The following TNIP2 variants were observed in gnomAD, a reference collection of about 807,000 sequenced individuals.
The protein encoded by TNIP2 is TNFAIP3 interacting protein 2, also known as TNFAIP3-interacting protein 2.
In TNIP2, 30 loss-of-function variants were observed where a neutral mutation model predicts 43.7. That is an observed-to-expected ratio of 0.69 (90% CI 0.51 to 0.93). TNIP2 has a LOEUF of 0.93. Among genes scored for constraint, TNIP2 ranks in the 40% least tolerant of loss-of-function variants. The pLI, the probability that TNIP2 is intolerant of heterozygous loss-of-function variation, is 0.00. For missense variants in TNIP2, 599 were observed against 591.0 expected, an observed-to-expected ratio of 1.01 and a Z score of -0.14; for synonymous variants, 260 against 254.6, an observed-to-expected ratio of 1.02 and a Z score of -0.20.
chr4:2,744,804 G>C lies in TNIP2; in HGVS notation c.799C>G (p.Gln267Glu). 6 of 1,613,462 alleles carry C rather than the reference G, an allele frequency of 3.7e-6. No homozygotes were observed. Among genetic ancestry groups the C allele is most frequent in the Non-Finnish European group, 5.1e-6 (6 of 1,180,052 alleles). ...MRKEISRLNR[Q>E]LEEKINDCAE... ...CAGTCATTTATTTTCTCTTCCAACT[G>C]TCTGTTGAGCCGGGAGATCTCCTTC... The change falls in exon 4 of 6, where the codon CAG becomes GAG. Residue 267 changes from glutamine (Q) to glutamate (E), a missense_variant. Gln to Glu is a conservative substitution (Grantham distance 29). Coordinates refer to ENST00000315423, the MANE Select transcript of TNIP2 (RefSeq NM_024309.4). The surrounding 1 kb of genome is among the most constrained non-coding windows in gnomAD (Gnocchi z 5.1).
chr4:2,756,222 A>T lies in TNIP2; in HGVS notation c.68T>A (p.Leu23Gln). 6.8e-7 allele frequency: 1 copy of T among 1,470,590 alleles called. No individual in the cohort carries two copies. The highest frequency in any genetic ancestry group is 8.9e-7 in the Non-Finnish European group (1 of 1,119,040). The allele number at this position is 1,470,590 out of a possible 1,614,324, so 91.1% of individuals were successfully genotyped here. The change falls in exon 1 of 6, where the codon CTG (leucine) becomes CAG (glutamine). Residue 23 changes from leucine to glutamine, a missense_variant. Leu to Gln is a moderately radical substitution (Grantham distance 113). Coordinates refer to ENST00000315423, the MANE Select transcript of TNIP2 (RefSeq NM_024309.4). Reference protein sequence around the residue: ...APRAAAALCTLYHEAGQRLRR... With the variant: ...APRAAAALCTQYHEAGQRLRR... ...CAGCCGCTGTCCGGCCTCGTGGTACAGGGTGCAGAGCGCGGCAGCTGCGCG... is the reference window on the plus strand; with the variant it reads ...CAGCCGCTGTCCGGCCTCGTGGTACTGGGTGCAGAGCGCGGCAGCTGCGCG...
intron 1 of TNIP2, among the ~76,000 whole-genome samples, chr4:2,752,113 A>C (rs1303388399): frequency 6.6e-6 from 1 of 151,936 alleles, no homozygotes; most frequent in African/African-American, 2.4e-5. Flanking sequence ...AAAAAAAAAA[A>C]AAAAGGAACA....
intron 1 of TNIP2, among the ~76,000 whole-genome samples, chr4:2,751,470 A>C (rs567569533): frequency 3.9e-5 from 6 of 152,308 alleles, no homozygotes; most frequent in Admixed American, 1.3e-4. Context: ...AAGTATCACA[A>C]ACTTGGTGTC....
rs191124040 is a variant in TNIP2 at position 2,744,289 on chromosome 4, A to G, written c.1026+98T>C. The G allele has an allele frequency of 6.6e-7, 1 of 1,510,158 alleles. No individual in the cohort carries two copies. The highest frequency in any genetic ancestry group is 2.3e-5 in the East Asian group (1 of 43,698). The allele number at this position is 1,510,158 out of a possible 1,614,324, so 93.5% of individuals were successfully genotyped here. ...CTCGCCACAACCCTCATCACCAGCA[A>G]ATCAGGGCCTTGGCAGACACAGAAA... On this transcript the variant is annotated intron_variant, in intron 5 of 5. Transcript: ENST00000315423. The surrounding 1 kb of genome is among the most constrained non-coding windows in gnomAD (Gnocchi z 5.1).
At chr4:2,745,899 A>G in intron 2 of TNIP2, 1 of 217,650 alleles carries the variant, frequency 4.6e-6, no homozygotes, top group Non-Finnish European at 9.1e-6. Flanking sequence ...AAGTCTTCTC[A>G]TTGCCAGAGA....
chr4:2,744,453 A>C lies in TNIP2; in HGVS notation c.960T>G (p.Ala320=). The change falls in exon 5 of 6, where the codon GCT becomes GCG. Residue 320 remains alanine, a synonymous_variant. Coordinates refer to ENST00000315423, the MANE Select transcript of TNIP2 (RefSeq NM_024309.4). The surrounding 1 kb of genome is among the most constrained non-coding windows in gnomAD (Gnocchi z 5.1). ...FMSERADRER[A]QSRIQELEEK... The stretch of plus-strand genomic sequence containing the variant: ...CCTCCAGTTCTTGAATCCTACTTTG[A>C]GCCCGTTCCCGATCGGCCCTTTCTG... 6.2e-7 allele frequency: 1 copy of C among 1,614,198 alleles called. No individual in the cohort carries two copies. Among genetic ancestry groups the C allele is most frequent in the Non-Finnish European group, 8.5e-7 (1 of 1,180,046 alleles).
chr4:2,745,044 G>C (rs551343771), intron 3 of TNIP2, 99 bp from the exon 4 acceptor site: 2 of 1,448,652 alleles, frequency 1.4e-6, no homozygotes, highest in Admixed American at 2.4e-5. Flanking sequence ...GATTCGCTGA[G>C]TGAGAGTTTC....
Position 2,745,446 on chromosome 4 carries a change from G to GT in TNIP2, c.656dup (p.His219GlnfsTer3). ...CAAACGAAATGTGAAAGACACTCAC[G>GT]TGAGTCACCTTCTGTTTTAACAGTC... On this transcript the variant is annotated frameshift_variant and splice_region_variant, in exon 3 of 6. Transcript: ENST00000315423. LOFTEE classifies it high-confidence loss of function. The GT allele has an allele frequency of 6.2e-7, 1 of 1,607,908 alleles. No homozygotes were observed. Among genetic ancestry groups the GT allele is most frequent in the Non-Finnish European group, 8.5e-7 (1 of 1,174,838 alleles).
intron 1 of TNIP2, among the ~76,000 whole-genome samples, chr4:2,752,484 A>G (rs546082997): frequency 1.3e-5 from 2 of 152,270 alleles, no homozygotes; most frequent in East Asian, 1.9e-4. Flanking sequence ...TCACAGACGC[A>G]CTGGTCAGCT....
chr4:2,742,500 G>C lies in TNIP2; in HGVS notation c.1047C>G (p.Ala349=), dbSNP rs112058145. The C allele has an allele frequency of 1.9e-6, 3 of 1,595,078 alleles. No homozygotes were observed. The African/African-American group carries it at 4.0e-5, about 21-fold the overall frequency. ...SWRQDSREPD[A]GRIHAGSKTA... ...TTTTGCTCCCAGCGTGAATCCGGCCGGCGTCTGGCTCTCGAGAATCCTGGA... is the reference window on the plus strand; with the variant it reads ...TTTTGCTCCCAGCGTGAATCCGGCCCGCGTCTGGCTCTCGAGAATCCTGGA... The change falls in exon 6 of 6, where the codon GCC becomes GCG. Residue 349 remains alanine, a synonymous_variant. Transcript: ENST00000315423.
chr4:2,748,353 T>A (rs978584146), intron 1 of TNIP2, among the ~76,000 whole-genome samples: 2 of 152,158 alleles, frequency 1.3e-5, no homozygotes. Context: ...AGAATTTTTT[T>A]TTTTTTTGAG....
At chr4:2,755,097 T>C (rs1266703784) in intron 1 of TNIP2, among the ~76,000 whole-genome samples, 1 of 151,968 alleles carries the variant, frequency 6.6e-6, no homozygotes, top group Non-Finnish European at 1.5e-5. Context: ...GCGCCACTAG[T>C]GAAAGACACA....
chr4:2,753,341 G>C (rs1164970904), intron 1 of TNIP2, among the ~76,000 whole-genome samples: 1 of 152,144 alleles, frequency 6.6e-6, no homozygotes, highest in Non-Finnish European at 1.5e-5. Flanking sequence ...ATGGGAGGCT[G>C]AGGCAGGAGG....
At chr4:2,745,394 T>C in intron 3 of TNIP2, 52 bp downstream of exon 3, 1 of 1,388,376 alleles carries the variant, frequency 7.2e-7, no homozygotes, top group South Asian at 1.2e-5. Context: ...AACCCTCACT[T>C]ACAGTTTGTA....
rs1366366333 is a variant in TNIP2, at chr4:2,756,146, G to C, written c.144C>G (p.Leu48=). The change falls in exon 1 of 6, where the codon CTC becomes CTG. Residue 48 remains leucine (L), a synonymous_variant. Transcript: ENST00000315423. Reference sequence around the variant, plus strand: ...CCTCCAGCGCGGCCAGGCGGGCGCGGAGGCGAGCGATGAGGGCGTCGCGGG... The same window carrying C: ...CCTCCAGCGCGGCCAGGCGGGCGCGCAGGCGAGCGATGAGGGCGTCGCGGG... ...LAARDALIAR[L]RARLAALEGD... is the part of the protein sequence containing the mutation. 5 of 1,475,224 alleles carry C rather than the reference G, an allele frequency of 3.4e-6. No individual in the cohort carries two copies. Among genetic ancestry groups the C allele is most frequent in the Admixed American group, 4.9e-5 (2 of 41,088 alleles). 91.4% of individuals were successfully genotyped at this position (1,475,224 alleles called of 1,614,324 possible).
Position 2,747,456 on chromosome 4 carries a change from C to G in TNIP2, c.567+199G>C. The G allele has an allele frequency of 1.3e-5, 8 of 622,476 alleles. No individual in the cohort carries two copies. The South Asian group carries it at 1.7e-4, about 13-fold the overall frequency. The allele number at this position is 622,476 out of a possible 1,614,324, so 38.6% of individuals were successfully genotyped here. ...TGCTGGGCAGTGAGGTGGCTGCCTGCTTTCCTATTACATTTTGCATGTTCC... is the reference window on the plus strand; with the variant it reads ...TGCTGGGCAGTGAGGTGGCTGCCTGGTTTCCTATTACATTTTGCATGTTCC... On this transcript the variant is annotated intron_variant, in intron 2 of 5. Transcript: ENST00000315423.
chr4:2,745,877 C>T (rs1238960298), intron 2 of TNIP2, among the ~76,000 whole-genome samples: 1 of 152,264 alleles, frequency 6.6e-6, no homozygotes, highest in Non-Finnish European at 1.5e-5. Flanking sequence ...GATTGGCACA[C>T]CAGACATGAT....
At chr4:2,747,492 A>G in intron 2 of TNIP2, 163 bp downstream of exon 2, 1 of 739,316 alleles carries the variant, frequency 1.4e-6, no homozygotes, top group Non-Finnish European at 2.2e-6. Flanking sequence ...ATCATTTTAA[A>G]AGAAACCCTT....
In TNIP2 at chr4:2,747,866, C is replaced by T. The variant is rs762906038; in HGVS notation, c.356G>A (p.Arg119Gln). 1.4e-5 allele frequency: 22 copies of T among 1,613,742 alleles called. No homozygotes were observed. The highest frequency in any genetic ancestry group is 6.6e-5 in the South Asian group (6 of 91,092). The change falls in exon 2 of 6, where the codon CGA (arginine) becomes CAA (glutamine). Residue 119 changes from arginine to glutamine, a missense_variant. Coordinates refer to ENST00000315423, the MANE Select transcript of TNIP2 (RefSeq NM_024309.4). ...CCGTAGCAGGACGACTTCCTTCTCT[C>T]GCTCGTGTTGGGGCTGGCTCAGCAG... is the stretch of plus-strand genomic sequence containing the variant. ...QQLLSQPQHE[R>Q]EKEVVLLRRS... is the part of the protein sequence containing the mutation.
Sources: gnomAD v4.1 joint callset for allele counts (sites outside exome capture counted in the v4.1 genomes callset) on GRCh38, gnomAD v4.1.1 for gene constraint, Gnocchi (gnomAD v3.1) non-coding constraint, MANE v1.5 for transcripts, NCBI Gene and HGNC (gene_info 2026-07-23, HGNC 2026-07-21) for gene names.